Variants in KRT7 observed in about 807,000 individuals in gnomAD.
KRT7 encodes keratin, type II cytoskeletal 7.
In KRT7, 50 loss-of-function variants were observed where a neutral mutation model predicts 42.8. The ratio of observed to expected loss-of-function variants is 1.17; its 90% CI spans 0.93 to 1.48. The LOEUF is 1.48. Among genes scored for constraint, KRT7 ranks in the 40% most tolerant of loss-of-function variants. KRT7 has a pLI of 0.00. For missense variants in KRT7, 588 were observed against 637.6 expected (o/e 0.92, Z 0.84); for synonymous variants, 268 against 266.3 (o/e 1.01, Z -0.06).
intron 4 of KRT7, among the ~76,000 whole-genome samples, chr12:52,240,184 C>T (rs1565718959): frequency 1.3e-5 from 2 of 149,468 alleles, no homozygotes; most frequent in African/African-American, 4.9e-5. Flanking sequence ...CACACACACA[C>T]ACATATATAT....
downstream of KRT7, chr12:52,253,171 C>T (rs754201553): frequency 1.3e-6 from 2 of 1,569,376 alleles, no homozygotes; most frequent in Non-Finnish European, 1.8e-6. Context: ...AGGGCTAACC[C>T]CACTCTCTTC....
chr12:52,234,736 T>C (rs1431976603), intron 1 of KRT7, among the ~76,000 whole-genome samples: 1 of 152,036 alleles, frequency 6.6e-6, no homozygotes, highest in Non-Finnish European at 1.5e-5. Flanking sequence ...GAGGCCTTGC[T>C]GGAGAAAGGG....
chr12:52,234,034 C>T (rs905969338), intron 1 of KRT7, among the ~76,000 whole-genome samples: 4 of 151,762 alleles, frequency 2.6e-5, no homozygotes, highest in African/African-American at 9.7e-5. Flanking sequence ...AGTTGGATGG[C>T]ACGCCCTTCC....
downstream of KRT7, chr12:52,248,929 G>C (rs1942222904): frequency 3.5e-6 from 2 of 570,110 alleles, no homozygotes; most frequent in South Asian, 4.1e-5. Flanking sequence ...CCACGTGCCT[G>C]GTATCCTGGC....
At chr12:52,253,911 C>G, downstream of KRT7, 1 of 401,822 alleles carries the variant, frequency 2.5e-6, no homozygotes, top group Non-Finnish European at 5.0e-6. Flanking sequence ...CACCTCAACC[C>G]TGGGACCCCC....
At chr12:52,252,268 T>G (rs954387819), downstream of KRT7, 7 of 1,612,896 alleles carry the variant, frequency 4.3e-6, no homozygotes, top group Non-Finnish European at 5.9e-6. Flanking sequence ...TCACCTCTGC[T>G]CCTCGCCCTC....
chr12:52,235,657 C>T (rs535560402), intron 2 of KRT7, among the ~76,000 whole-genome samples: 32 of 152,270 alleles, frequency 2.1e-4, no homozygotes, highest in African/African-American at 4.3e-4. Flanking sequence ...ACCAAGGCCC[C>T]GAGAGAGAGT....
At position 52,233,502 on chromosome 12, in the gene KRT7, ACCAGAGCCTGCTGGC is replaced by A; in HGVS notation, c.209_223del (p.Gln70_Ala74del). ...GCCGGCATCCGCGAGGTCACCATTAACCAGAGCCTGCTGGCCCCGCTGCGGCTGGACGCCGACCCC... is the reference window on the plus strand; with the variant it reads ...GCCGGCATCCGCGAGGTCACCATTAACCCGCTGCGGCTGGACGCCGACCCC... On this transcript the variant is annotated inframe_deletion, in exon 1 of 9. Coordinates refer to ENST00000331817, the MANE Select transcript of KRT7 (RefSeq NM_005556.4). 1 of 1,612,108 alleles carries A rather than the reference ACCAGAGCCTGCTGGC, an allele frequency of 6.2e-7. No individual in the cohort carries two copies.
At chr12:52,251,730 T>C (rs1592400394), downstream of KRT7, 28 of 339,264 alleles carry the variant, frequency 8.3e-5, 1 homozygote, top group South Asian at 6.7e-4. Context: ...CTGTAGCTAA[T>C]TAAGTTACTA....
chr12:52,251,406 A>G (rs1027611436), downstream of KRT7, among the ~76,000 whole-genome samples: 6 of 152,156 alleles, frequency 3.9e-5, no homozygotes, highest in Non-Finnish European at 8.8e-5. Flanking sequence ...CACACACGAA[A>G]ATCTCGTAAG....
At chr12:52,246,426 T>A (rs915645722) in intron 7 of KRT7, 1 of 152,168 alleles carries the variant, frequency 6.6e-6, no homozygotes, top group Non-Finnish European at 1.5e-5. Flanking sequence ...ATTTGTAAAA[T>A]GCTGAGTGTA....
intron 2 of KRT7, among the ~76,000 whole-genome samples, chr12:52,235,889 G>A (rs1026489167): frequency 1.3e-5 from 2 of 152,202 alleles, no homozygotes; most frequent in African/African-American, 4.8e-5. Context: ...AAGCAAAGAA[G>A]CAGAGAGGGA....
At chr12:52,240,796 T>G (rs1476058246) in intron 4 of KRT7, among the ~76,000 whole-genome samples, 2 of 152,182 alleles carry the variant, frequency 1.3e-5, no homozygotes, top group Non-Finnish European at 2.9e-5. Flanking sequence ...TATTATACTT[T>G]AAGTTCTAGG....
chr12:52,245,518 G>T lies in KRT7; in HGVS notation c.1091G>T (p.Gly364Val), dbSNP rs2608009. The T allele has an allele frequency of 1.2e-6, 2 of 1,614,002 alleles. No individual in the cohort carries two copies. The highest frequency in any genetic ancestry group is 1.3e-5 in the African/African-American group (1 of 74,946). The change falls in exon 7 of 9, where the codon GGC becomes GTC. Residue 364 changes from glycine (G) to valine (V), a missense_variant. Coordinates refer to ENST00000331817, the MANE Select transcript of KRT7 (RefSeq NM_005556.4). ...GAGCTGGAAGCCGCCCTGCAGCGGG[G>T]CAAGCAGGATATGGCACGGCAGCTG... is the stretch of plus-strand genomic sequence containing the variant. ...QEELEAALQR[G>V]KQDMARQLRE...
At chr12:52,239,798 C>T (rs906688707) in intron 4 of KRT7, among the ~76,000 whole-genome samples, 1 of 152,184 alleles carries the variant, frequency 6.6e-6, no homozygotes, top group African/African-American at 2.4e-5. Flanking sequence ...CTAATGTCCT[C>T]CCTTCCCTTC....
At chr12:52,244,330 C>G in intron 6 of KRT7, 1 of 985,606 alleles carries the variant, frequency 1.0e-6, no homozygotes, top group Non-Finnish European at 1.2e-6. Context: ...TTTCCCAAAC[C>G]CTGCAGCCTC....
At chr12:52,237,991 G>A (rs148487545) in intron 3 of KRT7, among the ~76,000 whole-genome samples, 11 of 152,286 alleles carry the variant, frequency 7.2e-5, no homozygotes, top group Admixed American at 2.6e-4. Flanking sequence ...AGCTTGGAAC[G>A]CCTTAGAAGT....
chr12:52,233,316 C>G lies in KRT7; in HGVS notation c.20C>G (p.Ser7Cys). 12 of 1,568,556 alleles carry G rather than the reference C, an allele frequency of 7.7e-6. No individual in the cohort carries two copies. Among genetic ancestry groups the G allele is most frequent in the Non-Finnish European group, 1.0e-5 (12 of 1,163,034 alleles). Residue 7 changes from serine (S) to cysteine (C), a missense_variant, in exon 1 of 9, where the codon TCC becomes TGC. Ser to Cys is a moderately radical substitution (Grantham distance 112, BLOSUM62 -1). Coordinates refer to ENST00000331817, the MANE Select transcript of KRT7 (RefSeq NM_005556.4). ...GCCACCATGTCCATCCACTTCAGCT[C>G]CCCGGTATTCACCTCGCGCTCAGCC... MSIHFS[S>C]PVFTSRSAAF...
downstream of KRT7, chr12:52,254,419 GT>G (rs1219168550): frequency 1.6e-6 from 1 of 609,560 alleles, no homozygotes; most frequent in East Asian, 4.3e-5. Context: ...CAGAACCCTT[GT>G]TTTTTTCCTA....
Sources: allele counts gnomAD v4.1 joint callset (sites outside exome capture counted in the v4.1 genomes callset), GRCh38; gene constraint gnomAD v4.1.1; transcripts MANE v1.5; gene names NCBI Gene and HGNC (gene_info 2026-07-23, HGNC 2026-07-21).